Variants in SORL1 observed in about 807,000 individuals in gnomAD.
The protein encoded by SORL1 is sortilin related receptor 1.
SORL1 carries 127 observed loss-of-function variants against 273.7 expected under a neutral mutation model. The ratio of observed to expected loss-of-function variants is 0.46; its 90% CI spans 0.40 to 0.54. The LOEUF is 0.54. Among genes scored for constraint, SORL1 ranks in the 20% least tolerant of loss-of-function variants. SORL1 has a pLI of 0.00. For missense variants in SORL1, 2,494 were observed against 2,846.1 expected, an observed-to-expected ratio of 0.88 and a Z score of 2.81; for synonymous variants, 1,031 against 1,067.4, an observed-to-expected ratio of 0.97 and a Z score of 0.66.
At position 121,452,562 on chromosome 11, in the gene SORL1, C is replaced by A; in HGVS notation, c.231C>A (p.Leu77=). Residue 77 remains leucine (L), a synonymous_variant, in exon 1 of 48, where the codon CTC becomes CTA. Coordinates refer to ENST00000260197, the MANE Select transcript of SORL1 (RefSeq NM_003105.6). This position sits in a 1 kb window ranked among gnomAD's most constrained non-coding sequence, Gnocchi z 5.3. ...RGASRADEKP[L]RRKRSAALQP... is the part of the protein sequence containing the mutation. ...CGAGCCGCGCGGACGAGAAGCCGCT[C>A]CGGAGGAAACGGAGCGCTGCCCTGC... The A allele has an allele frequency of 6.6e-7, 1 of 1,514,902 alleles. No individual in the cohort carries two copies. The highest frequency in any genetic ancestry group is 8.8e-7 in the Non-Finnish European group (1 of 1,138,778). 93.8% of individuals were successfully genotyped at this position (1,514,902 alleles called of 1,614,324 possible). A position where few individuals can be genotyped will look rare whatever the true frequency, so the allele number is the denominator to read the frequency against.
intron 13 of SORL1, among the ~76,000 whole-genome samples, chr11:121,544,336 A>G (rs1862392034): frequency 6.6e-6 from 1 of 152,032 alleles, no homozygotes; most frequent in Admixed American, 6.6e-5. Flanking sequence ...ATATCTCAGG[A>G]TCCAACACAT....
At position 121,554,170 on chromosome 11, in the gene SORL1, G is replaced by A. The variant is rs1246564422; in HGVS notation, c.2439+61G>A. 5 of 1,476,276 alleles carry A rather than the reference G, an allele frequency of 3.4e-6. No homozygotes were observed. The highest frequency in any genetic ancestry group is 4.7e-6 in the Non-Finnish European group (5 of 1,073,764). The allele number at this position is 1,476,276 out of a possible 1,614,324, so 91.4% of individuals were successfully genotyped here. A position where few individuals can be genotyped will look rare whatever the true frequency, so the allele number is the denominator to read the frequency against. On this transcript the variant is annotated intron_variant, in intron 17 of 47. Transcript: ENST00000260197. This position sits in a 1 kb window ranked among gnomAD's most constrained non-coding sequence, Gnocchi z 4.6. Reference sequence around the variant, plus strand: ...CATCGTGACTGCCCTGTCCTGATAAGCTGCATGCAGAATGGCCTATGGAAA... The same window carrying A: ...CATCGTGACTGCCCTGTCCTGATAAACTGCATGCAGAATGGCCTATGGAAA...
intron 25 of SORL1, among the ~76,000 whole-genome samples, chr11:121,577,814 GT>G (rs1369989052): frequency 3.9e-5 from 6 of 152,208 alleles, no homozygotes; most frequent in African/African-American, 1.4e-4. Flanking sequence ...CCCGTTTTGG[GT>G]AAGATTTTAT....
intron 25 of SORL1, among the ~76,000 whole-genome samples, chr11:121,577,785 A>G (rs1374771870): frequency 2.6e-5 from 4 of 152,238 alleles, no homozygotes; most frequent in African/African-American, 9.6e-5. Context: ...AGACAAGGAA[A>G]ATGTAAACTG....
At chr11:121,576,567 C>A (rs1187138357) in intron 24 of SORL1, among the ~76,000 whole-genome samples, 1 of 152,214 alleles carries the variant, frequency 6.6e-6, no homozygotes, top group Non-Finnish European at 1.5e-5. Context: ...CCTCCAGAAC[C>A]GAGAGAAATA....
chr11:121,516,374 C>T (rs561036123), intron 8 of SORL1, among the ~76,000 whole-genome samples: 1 of 152,078 alleles, frequency 6.6e-6, no homozygotes, highest in African/African-American at 2.4e-5. Flanking sequence ...GGAGGAGGAG[C>T]CAGGGGACTG....
intron 14 of SORL1, among the ~76,000 whole-genome samples, chr11:121,549,413 G>T (rs193110219): frequency 6.6e-6 from 1 of 151,936 alleles, no homozygotes; most frequent in African/African-American, 2.4e-5. Flanking sequence ...TTTTTGTAGA[G>T]ACAGGGTCTT....
At chr11:121,551,944 T>C (rs1862513283) in intron 16 of SORL1, among the ~76,000 whole-genome samples, 1 of 152,242 alleles carries the variant, frequency 6.6e-6, no homozygotes, top group South Asian at 2.1e-4. Context: ...GTTTGAGTGA[T>C]TGCTCTTGAG....
Position 121,490,197 on chromosome 11 carries a change from C to A in SORL1, c.758+87C>A, listed in dbSNP as rs146512286. ...TTCTTGGTGGACAAACTGCCCTCCC[C>A]TGAAATGTCCAGCATTTATTCAGGA... On this transcript the variant is annotated intron_variant, in intron 5 of 47. Coordinates refer to ENST00000260197, the MANE Select transcript of SORL1 (RefSeq NM_003105.6). The A allele has an allele frequency of 4.2e-4, 357 of 855,248 alleles. 1 individual carries two copies. The African/African-American group carries it at 5.2e-3, about 13-fold the overall frequency. The allele number at this position is 855,248 out of a possible 1,614,324, so 53.0% of individuals were successfully genotyped here.
chr11:121,517,362 C>G (rs1861970983), intron 8 of SORL1, among the ~76,000 whole-genome samples: 1 of 152,176 alleles, frequency 6.6e-6, no homozygotes, highest in Non-Finnish European at 1.5e-5. Flanking sequence ...TGTCTGGCTT[C>G]TTTCACTTAG....
rs1230046620 is a variant in SORL1, at chr11:121,470,108, G to T, written c.387G>T (p.Arg129Ser). Residue 129 changes from arginine (R) to serine (S), a missense_variant, in exon 2 of 48, where the codon AGG (arginine) becomes AGT (serine). This residue lies in a region of SORL1 where 710 missense variants were observed against 882.5 expected (regional missense o/e 0.80). Coordinates refer to ENST00000260197, the MANE Select transcript of SORL1 (RefSeq NM_003105.6). ...ALARDSLALA[R>S]PKSSDVYVSY... ...CCCGAGATAGCCTGGCATTGGCGAG[G>T]CCCAAGAGCAGTGATGTAAGTGTTG... 6.2e-7 allele frequency: 1 copy of T among 1,613,502 alleles called. No homozygotes were observed. Among genetic ancestry groups the T allele is most frequent in the East Asian group, 2.2e-5 (1 of 44,886 alleles).
chr11:121,597,886 G>A (rs1047104347), intron 32 of SORL1, among the ~76,000 whole-genome samples: 1 of 152,170 alleles, frequency 6.6e-6, no homozygotes, highest in Non-Finnish European at 1.5e-5. Context: ...TCCTGGAGAG[G>A]TGGGGACAGG....
chr11:121,498,583 T>C (rs1861664114), intron 6 of SORL1, among the ~76,000 whole-genome samples: 2 of 152,244 alleles, frequency 1.3e-5, no homozygotes, highest in South Asian at 4.1e-4. Flanking sequence ...GTTTAAGTTA[T>C]ATCCCAGCTG....
At chr11:121,590,752 C>T (rs531286048) in intron 30 of SORL1, 15 of 709,564 alleles carry the variant, frequency 2.1e-5, no homozygotes, top group South Asian at 2.0e-4. Flanking sequence ...GCAAACTTAT[C>T]TGAATATTAA....
intron 6 of SORL1, among the ~76,000 whole-genome samples, chr11:121,504,896 A>G (rs1861764627): frequency 6.6e-6 from 1 of 152,102 alleles, no homozygotes; most frequent in African/African-American, 2.4e-5. Context: ...TGTTTTTATC[A>G]TGAAAAAATC....
chr11:121,544,658 A>G (rs1862397343), intron 13 of SORL1, among the ~76,000 whole-genome samples: 1 of 152,236 alleles, frequency 6.6e-6, no homozygotes, highest in Non-Finnish European at 1.5e-5. Context: ...AAGTGCCAAC[A>G]TAGACATAGG....
At chr11:121,456,011 G>T (rs879401970) in intron 1 of SORL1, among the ~76,000 whole-genome samples, 2 of 149,660 alleles carry the variant, frequency 1.3e-5, no homozygotes, top group Non-Finnish European at 3.0e-5. Flanking sequence ...AAAAAAAAAG[G>T]CAAAGTTTAG....
At chr11:121,506,340 T>C in intron 6 of SORL1, among the ~76,000 whole-genome samples, 1 of 152,108 alleles carries the variant, frequency 6.6e-6, no homozygotes, top group African/African-American at 2.4e-5. Flanking sequence ...CACTGGGCAA[T>C]TTACAAAAAA....
chr11:121,589,296 C>G lies in SORL1; in HGVS notation c.3984C>G (p.Phe1328Leu). Reference sequence around the variant, plus strand: ...AGTTCCACAAGGTATGTGATGAGTTCGGTTTCCAGTGTCAGAATGGAGTGT... The same window carrying G: ...AGTTCCACAAGGTATGTGATGAGTTGGGTTTCCAGTGTCAGAATGGAGTGT... ...DPEFHKVCDE[F>L]GFQCQNGVCI... Residue 1328 changes from phenylalanine to leucine, a missense_variant, in exon 29 of 48, where the codon TTC becomes TTG. Around this residue, in one of 3 missense-constraint regions of SORL1, gnomAD observed 1,609 missense variants for 1,816.4 expected, o/e 0.89. Transcript: ENST00000260197. 6.2e-7 allele frequency: 1 copy of G among 1,613,596 alleles called. No homozygotes were observed. Among genetic ancestry groups the G allele is most frequent in the Non-Finnish European group, 8.5e-7 (1 of 1,179,558 alleles).
Sources: allele counts gnomAD v4.1 joint callset (sites outside exome capture counted in the v4.1 genomes callset), GRCh38; gene constraint gnomAD v4.1.1; regional missense constraint gnomAD v4.1.1; non-coding constraint Gnocchi (gnomAD v3.1); transcripts MANE v1.5; gene names NCBI Gene and HGNC (gene_info 2026-07-23, HGNC 2026-07-21).